TSHZ2: variants seen among roughly 807,000 people sequenced by gnomAD.
TSHZ2 encodes the protein teashirt homolog 2.
A neutral mutation model predicts 74.4 loss-of-function variants in TSHZ2; 21 were observed. That is an observed-to-expected ratio of 0.28 (90% CI 0.20 to 0.41). The LOEUF is 0.41. Ranked by LOEUF, TSHZ2 falls within the 10% of genes least tolerant of loss-of-function variation. The pLI, the probability that TSHZ2 is intolerant of heterozygous loss-of-function variation, is 1.00. For missense variants in TSHZ2, 1,244 were observed against 1,293.5 expected (o/e 0.96, Z 0.59); for synonymous variants, 540 against 515.3 (o/e 1.05, Z -0.65).
At chr20:53,426,091 G>C (rs1447846939) in intron 2 of TSHZ2, among the ~76,000 whole-genome samples, 1 of 152,208 alleles carries the variant, frequency 6.6e-6, no homozygotes, top group East Asian at 1.9e-4. Context: ...ATAAACAGGG[G>C]AGGACAAACT....
At chr20:52,977,959 A>G (rs1236121483) in intron 1 of TSHZ2, among the ~76,000 whole-genome samples, 1 of 152,080 alleles carries the variant, frequency 6.6e-6, no homozygotes. Flanking sequence ...TCCACTTTAC[A>G]TTTCTTTATC....
intron 1 of TSHZ2, among the ~76,000 whole-genome samples, chr20:52,986,926 G>A (rs1410130353): frequency 1.3e-5 from 2 of 152,126 alleles, no homozygotes; most frequent in African/African-American, 4.8e-5. Flanking sequence ...TGTGTTTTGT[G>A]TGTGTGTGTG....
chr20:53,045,856 C>A (rs552286553), intron 1 of TSHZ2, among the ~76,000 whole-genome samples: 81 of 152,292 alleles, frequency 5.3e-4, no homozygotes, highest in Admixed American at 2.6e-3. Context: ...GTCATCTTTC[C>A]AAAGTGCCAC....
At chr20:53,095,034 T>C (rs1985998491) in intron 1 of TSHZ2, among the ~76,000 whole-genome samples, 1 of 152,172 alleles carries the variant, frequency 6.6e-6, no homozygotes, top group Admixed American at 6.5e-5. Flanking sequence ...CTCTTCCAAT[T>C]ACAGCAGGCA....
chr20:53,116,565 G>A (rs1986674028), intron 1 of TSHZ2, among the ~76,000 whole-genome samples: 1 of 151,968 alleles, frequency 6.6e-6, no homozygotes, highest in African/African-American at 2.4e-5. Flanking sequence ...ACAATTTTAG[G>A]GCAAACTGAC....
intron 1 of TSHZ2, among the ~76,000 whole-genome samples, chr20:53,005,615 G>C (rs1050795795): frequency 7.2e-5 from 11 of 152,132 alleles, no homozygotes; most frequent in African/African-American, 1.7e-4. Flanking sequence ...ATTCACACTT[G>C]GATCATTCTC....
intron 1 of TSHZ2, among the ~76,000 whole-genome samples, chr20:53,207,695 G>A (rs779645451): frequency 6.6e-6 from 1 of 151,690 alleles, no homozygotes; most frequent in Non-Finnish European, 1.5e-5. Flanking sequence ...ATTTATTTTA[G>A]AGATGGGGTC....
chr20:53,030,982 G>A (rs115815275), intron 1 of TSHZ2, among the ~76,000 whole-genome samples: 1,628 of 152,080 alleles, frequency 0.011, 29 homozygotes, highest in African/African-American at 0.038. Context: ...TATTAACTTC[G>A]CCTTATTGCT....
rs560196906 is a variant in TSHZ2 at position 53,209,837 on chromosome 20, G to T, written c.41-43662G>T. 3.5e-3 allele frequency among the ~76,000 whole-genome samples: 530 copies of T among 152,244 alleles called. 5 individuals are homozygous for T. Among genetic ancestry groups the T allele is most frequent in the African/African-American group, 0.012 (508 of 41,524 alleles). On this transcript the variant is annotated intron_variant, in intron 1 of 2. Coordinates refer to ENST00000371497, the MANE Select transcript of TSHZ2 (RefSeq NM_173485.6). The stretch of plus-strand genomic sequence containing the variant: ...TGAAAACTGAACAATGGCTTTGAAC[G>T]CATGGACCCTGTTGCACAGCAGGCT...
chr20:53,458,669 G>T (rs1985216279), intron 2 of TSHZ2, among the ~76,000 whole-genome samples: 1 of 151,542 alleles, frequency 6.6e-6, no homozygotes, highest in Non-Finnish European at 1.5e-5. Flanking sequence ...TGTCAATTTT[G>T]GATCTTTCCT....
At chr20:53,038,462 T>C (rs1208859911) in intron 1 of TSHZ2, among the ~76,000 whole-genome samples, 7 of 152,084 alleles carry the variant, frequency 4.6e-5, no homozygotes, top group African/African-American at 1.7e-4. Context: ...ATGAATGCCT[T>C]TCCTGCTGAA....
At chr20:53,298,366 A>G (rs753256505) in intron 2 of TSHZ2, among the ~76,000 whole-genome samples, 5 of 152,216 alleles carry the variant, frequency 3.3e-5, no homozygotes, top group Non-Finnish European at 7.3e-5. Flanking sequence ...GAGAACAGTG[A>G]GAGAATCAGA....
At chr20:53,309,420 CAAAGAGAAAGGAGAAAGAAAAG>C (rs1402499746) in intron 2 of TSHZ2, among the ~76,000 whole-genome samples, 1 of 149,730 alleles carries the variant, frequency 6.7e-6, no homozygotes. Flanking sequence ...GGAAGAGAAG[CAAAGAGAAAGGAGAAAGAAAAG>C]AAAGAGAAGA....
At chr20:53,081,108 T>G (rs1381190234) in intron 1 of TSHZ2, among the ~76,000 whole-genome samples, 1 of 152,218 alleles carries the variant, frequency 6.6e-6, no homozygotes. Context: ...CTCAAACTGC[T>G]GGGCTCAAGC....
intron 1 of TSHZ2, among the ~76,000 whole-genome samples, chr20:53,052,352 A>G (rs1022969921): frequency 6.6e-6 from 1 of 152,208 alleles, no homozygotes; most frequent in East Asian, 1.9e-4. Flanking sequence ...AAGTGAGTGG[A>G]GGACCAGCAA....
chr20:53,361,105 T>A (rs1177957287), intron 2 of TSHZ2, among the ~76,000 whole-genome samples: 1 of 152,210 alleles, frequency 6.6e-6, no homozygotes, highest in Non-Finnish European at 1.5e-5. Flanking sequence ...CTGTGCTCAC[T>A]GGCCCCATCC....
chr20:53,139,260 G>A (rs1987328777), intron 1 of TSHZ2, among the ~76,000 whole-genome samples: 1 of 152,150 alleles, frequency 6.6e-6, no homozygotes, highest in Non-Finnish European at 1.5e-5. Context: ...TTTGTTCATT[G>A]CAGTATCACC....
intron 2 of TSHZ2, among the ~76,000 whole-genome samples, chr20:53,475,426 T>C: frequency 8.6e-6 from 1 of 116,540 alleles, no homozygotes; most frequent in Non-Finnish European, 1.7e-5. Context: ...CATAACGAAA[T>C]GAAGGCAGAA....
intron 1 of TSHZ2, among the ~76,000 whole-genome samples, chr20:53,127,681 C>T (rs1225419792): frequency 1.3e-5 from 2 of 152,328 alleles, no homozygotes; most frequent in East Asian, 3.9e-4. Flanking sequence ...ACATGTCAGG[C>T]ATGCACTCAG....
Sources: gnomAD v4.1 joint callset for allele counts (sites outside exome capture counted in the v4.1 genomes callset) on GRCh38, gnomAD v4.1.1 for gene constraint, MANE v1.5 for transcripts, NCBI Gene and HGNC (gene_info 2026-07-23, HGNC 2026-07-21) for gene names.